The following GALNT7 variants were observed in gnomAD, a reference collection of about 807,000 sequenced individuals.
The protein encoded by GALNT7 is polypeptide N-acetylgalactosaminyltransferase 7.
In GALNT7, 60 loss-of-function variants were observed where a neutral mutation model predicts 82.1. The observed-to-expected ratio is 0.73, with a 90% CI of 0.59 to 0.91. The LOEUF (loss-of-function observed/expected upper bound fraction) is 0.91. Among genes scored for constraint, GALNT7 ranks in the 40% least tolerant of loss-of-function variants. The probability of loss-of-function intolerance (pLI) is 0.00; values close to 1 mark genes in which losing one functional copy is unlikely to be tolerated. For synonymous variants in GALNT7, 243 were observed against 275.1 expected (o/e 0.88, Z 1.15); for missense variants, 660 against 804.2 (o/e 0.82, Z 2.17).
chr4:173,228,714 T>G (rs1209957376), intron 1 of GALNT7, among the ~76,000 whole-genome samples: 1 of 152,206 alleles, frequency 6.6e-6, no homozygotes, highest in Admixed American at 6.5e-5. Context: ...TAAATTGTTT[T>G]TACTTTTTTT....
rs1427082471 is a variant in GALNT7, at chr4:173,321,730, AAACCAAT to A, written c.*18_*24del. ...CCATAGTGTTTAGAGAGAAAAAAAT[AAACCAAT>A]AACCTACCTACTGACAAGTAAATTT... On this transcript the variant is annotated 3_prime_UTR_variant, in exon 12 of 12. Coordinates refer to ENST00000265000, the MANE Select transcript of GALNT7 (RefSeq NM_017423.3). The A allele has an allele frequency of 1.9e-6, 3 of 1,590,128 alleles. No homozygotes were observed. In the Admixed American group the frequency reaches 5.1e-5, roughly 27 times the overall value.
intron 1 of GALNT7, among the ~76,000 whole-genome samples, chr4:173,232,939 C>T (rs1429852874): frequency 6.6e-6 from 1 of 152,146 alleles, no homozygotes; most frequent in Non-Finnish European, 1.5e-5. Flanking sequence ...TCTACTCTAC[C>T]TCGGTGAGAT....
At chr4:173,251,302 A>G (rs577211662) in intron 2 of GALNT7, among the ~76,000 whole-genome samples, 1 of 152,232 alleles carries the variant, frequency 6.6e-6, no homozygotes, top group Non-Finnish European at 1.5e-5. Flanking sequence ...AACCATACCA[A>G]TCTCTCAGGA....
In GALNT7 at chr4:173,168,835, G is replaced by A. The variant is rs1432265441; in HGVS notation, c.-1G>A. On this transcript the variant is annotated 5_prime_UTR_variant, in exon 1 of 12. Transcript: ENST00000265000. ...TGTGAGTCTCTCGCCGCCGGAGGAA[G>A]ATGAGGCTGAAGATTGGGTTCATCT... 6.2e-7 allele frequency: 1 copy of A among 1,612,026 alleles called. No homozygotes were observed. Among genetic ancestry groups the A allele is most frequent in the Admixed American group, 1.7e-5 (1 of 59,956 alleles).
intron 1 of GALNT7, among the ~76,000 whole-genome samples, chr4:173,223,334 TTAAG>T (rs1733701712): frequency 6.6e-6 from 1 of 152,174 alleles, no homozygotes; most frequent in Non-Finnish European, 1.5e-5. Flanking sequence ...GGTGAATAAA[TTAAG>T]TGATAGAGTT....
chr4:173,207,676 T>C (rs536772363), intron 1 of GALNT7, among the ~76,000 whole-genome samples: 1 of 152,320 alleles, frequency 6.6e-6, no homozygotes, highest in African/African-American at 2.4e-5. Flanking sequence ...TTAAGTAATA[T>C]GTATAAATGA....
intron 1 of GALNT7, among the ~76,000 whole-genome samples, chr4:173,174,316 A>G (rs1389118204): frequency 6.6e-6 from 1 of 152,190 alleles, no homozygotes; most frequent in Non-Finnish European, 1.5e-5. Flanking sequence ...GTGTCCTCTA[A>G]ACCAAACAAG....
In GALNT7 at chr4:173,281,487, G is replaced by C. The variant is rs547241701; in HGVS notation, c.588-10621G>C. On this transcript the variant is annotated intron_variant, in intron 2 of 11. Coordinates refer to ENST00000265000, the MANE Select transcript of GALNT7 (RefSeq NM_017423.3). Reference sequence around the variant, plus strand: ...TTCCTTATTACTGTGACCCCTGGCAGGCCACTGGCTCTCAACTCTTAGCTA... The same window carrying C: ...TTCCTTATTACTGTGACCCCTGGCACGCCACTGGCTCTCAACTCTTAGCTA... Among the ~76,000 whole-genome samples, 3 of 152,248 alleles carry C rather than the reference G, an allele frequency of 2.0e-5. No homozygotes were observed. In the South Asian group the frequency reaches 6.2e-4, roughly 32 times the overall value.
At chr4:173,231,226 G>T (rs935744184) in intron 1 of GALNT7, among the ~76,000 whole-genome samples, 2 of 152,132 alleles carry the variant, frequency 1.3e-5, no homozygotes, top group Non-Finnish European at 2.9e-5. Flanking sequence ...CCTTTGACAG[G>T]CAGATCTCAT....
intron 1 of GALNT7, among the ~76,000 whole-genome samples, chr4:173,210,114 AC>A (rs1733226881): frequency 1.3e-5 from 2 of 152,094 alleles, no homozygotes. Flanking sequence ...AGCCTGGGCA[AC>A]AGAGCGAGAC....
At chr4:173,276,507 A>C (rs761068443) in intron 2 of GALNT7, among the ~76,000 whole-genome samples, 2 of 152,212 alleles carry the variant, frequency 1.3e-5, no homozygotes, top group Non-Finnish European at 2.9e-5. Context: ...CCACAGTTTT[A>C]TTTTGTCTAG....
intron 2 of GALNT7, among the ~76,000 whole-genome samples, chr4:173,253,150 C>G (rs147490358): frequency 2.1e-4 from 32 of 151,486 alleles, no homozygotes; most frequent in African/African-American, 6.6e-4. Flanking sequence ...TGCAGTGAGC[C>G]GAGATCACAC....
chr4:173,273,841 G>C (rs561681302), intron 2 of GALNT7, among the ~76,000 whole-genome samples: 1 of 152,166 alleles, frequency 6.6e-6, no homozygotes, highest in East Asian at 1.9e-4. Flanking sequence ...CAAAGTCCTT[G>C]TGGAATAAGG....
chr4:173,206,000 G>A (rs990661462), intron 1 of GALNT7, among the ~76,000 whole-genome samples: 7 of 151,798 alleles, frequency 4.6e-5, no homozygotes, highest in Non-Finnish European at 1.0e-4. Context: ...CGGAGGCTCA[G>A]TCCACAGATA....
chr4:173,172,684 T>C (rs1731915701), intron 1 of GALNT7, among the ~76,000 whole-genome samples: 2 of 152,002 alleles, frequency 1.3e-5, no homozygotes, highest in South Asian at 2.1e-4. Flanking sequence ...TCAAGAAAAG[T>C]AGTTAATCTG....
chr4:173,286,991 G>A (rs1279621015), intron 2 of GALNT7, among the ~76,000 whole-genome samples: 2 of 152,156 alleles, frequency 1.3e-5, no homozygotes, highest in Non-Finnish European at 2.9e-5. Flanking sequence ...CCTTGGTTGG[G>A]GGACAGAGGA....
rs1736962996 is a variant in GALNT7 at position 173,302,065 on chromosome 4, G to A, written c.1167G>A (p.Gly389=). The change falls in exon 7 of 12, where the codon GGG becomes GGA. Residue 389 remains glycine, a synonymous_variant. Transcript: ENST00000265000. The surrounding 1 kb of genome is among the most constrained non-coding windows in gnomAD (Gnocchi z 4.2). ...TTCTTAGGTCCCCAGCCATGGCTGGGGGATTATTTGCCATTGAACGAGAGT... is the reference window on the plus strand; with the variant it reads ...TTCTTAGGTCCCCAGCCATGGCTGGAGGATTATTTGCCATTGAACGAGAGT... ...TEPYRSPAMA[G]GLFAIEREFF... is the part of the protein sequence containing the mutation. 3 of 1,565,856 alleles carry A rather than the reference G, an allele frequency of 1.9e-6. No homozygotes were observed. The highest frequency in any genetic ancestry group is 1.7e-5 in the Admixed American group (1 of 59,912).
At chr4:173,235,540 C>CCTTTT (rs1343198981) in intron 1 of GALNT7, among the ~76,000 whole-genome samples, 4 of 132,544 alleles carry the variant, frequency 3.0e-5, no homozygotes, top group African/African-American at 1.1e-4. Context: ...CTCAAGAAAG[C>CCTTTT]CTTTTCTTTT....
At chr4:173,186,714 A>G (rs1298633799) in intron 1 of GALNT7, among the ~76,000 whole-genome samples, 2 of 152,186 alleles carry the variant, frequency 1.3e-5, no homozygotes, top group Non-Finnish European at 2.9e-5. Flanking sequence ...TTTTGCCTTA[A>G]AAGTTATATC....
Sources: allele counts gnomAD v4.1 joint callset (sites outside exome capture counted in the v4.1 genomes callset), GRCh38; gene constraint gnomAD v4.1.1; non-coding constraint Gnocchi (gnomAD v3.1); transcripts MANE v1.5; gene names NCBI Gene and HGNC (gene_info 2026-07-23, HGNC 2026-07-21).